Variants in MACROD1 observed in about 807,000 individuals in gnomAD.
The protein encoded by MACROD1 is mono-ADP ribosylhydrolase 1, also known as ADP-ribose glycohydrolase MACROD1.
MACROD1 carries 31 observed loss-of-function variants against 41.4 expected under a neutral mutation model. The ratio of observed to expected loss-of-function variants is 0.75; its 90% CI spans 0.56 to 1.01. The LOEUF is 1.01. MACROD1 is among the 50% of genes least tolerant of loss of function. The pLI is 0.00. For synonymous variants in MACROD1, 252 were observed against 203.4 expected, an observed-to-expected ratio of 1.24 and a Z score of -2.03; for missense variants, 473 against 460.0, an observed-to-expected ratio of 1.03 and a Z score of -0.26.
intron 3 of MACROD1, among the ~76,000 whole-genome samples, chr11:64,111,325 C>T (rs548320629): frequency 3.3e-5 from 5 of 152,352 alleles, no homozygotes; most frequent in South Asian, 2.1e-4. Context: ...TCCAGCCAGA[C>T]GCTGGGGGCC....
At chr11:64,076,463 C>T (rs1049001019) in intron 3 of MACROD1, among the ~76,000 whole-genome samples, 16 of 146,704 alleles carry the variant, frequency 1.1e-4, no homozygotes, top group South Asian at 2.1e-4. Context: ...GATGGATGGA[C>T]GGACGGACGA....
intron 1 of MACROD1, among the ~76,000 whole-genome samples, chr11:64,160,310 C>A (rs1048217046): frequency 6.6e-6 from 1 of 152,174 alleles, no homozygotes; most frequent in Non-Finnish European, 1.5e-5. Flanking sequence ...CTCAGGCACA[C>A]CTGAGTTTTC....
chr11:64,133,825 G>A (rs988916044), intron 3 of MACROD1, among the ~76,000 whole-genome samples: 5 of 152,224 alleles, frequency 3.3e-5, no homozygotes, highest in African/African-American at 1.2e-4. Flanking sequence ...CCTGCTGCAG[G>A]AATTAATGAA....
chr11:64,111,444 C>G (rs1197179196), intron 3 of MACROD1, among the ~76,000 whole-genome samples: 1 of 152,240 alleles, frequency 6.6e-6, no homozygotes, highest in Non-Finnish European at 1.5e-5. Context: ...GTGCTACCTA[C>G]CTGCTCATAA....
At chr11:64,040,344 A>C (rs1353475204) in intron 3 of MACROD1, among the ~76,000 whole-genome samples, 1 of 152,156 alleles carries the variant, frequency 6.6e-6, no homozygotes, top group Non-Finnish European at 1.5e-5. Context: ...CAGGGACAGA[A>C]ACAAGGGCCT....
At chr11:64,002,214 C>T (rs190805804) in intron 4 of MACROD1, among the ~76,000 whole-genome samples, 11 of 152,292 alleles carry the variant, frequency 7.2e-5, no homozygotes, top group Admixed American at 2.6e-4. Context: ...CCTCCCGGGT[C>T]GAGCACCTGG....
intron 3 of MACROD1, among the ~76,000 whole-genome samples, chr11:64,113,249 A>C (rs544438504): frequency 6.6e-6 from 1 of 152,364 alleles, no homozygotes; most frequent in South Asian, 2.1e-4. Context: ...AGTTCTCAGC[A>C]AAGCCTTTAT....
intron 3 of MACROD1, among the ~76,000 whole-genome samples, chr11:64,039,582 A>G (rs1232370906): frequency 1.3e-5 from 2 of 152,096 alleles, no homozygotes; most frequent in Admixed American, 1.3e-4. Context: ...AGGAGACGGG[A>G]AAAGGACAGC....
At chr11:64,148,228 G>A (rs2186571) in intron 3 of MACROD1, among the ~76,000 whole-genome samples, 9,810 of 152,208 alleles carry the variant, frequency 0.064, 389 homozygotes, top group Middle Eastern at 0.14. Flanking sequence ...CAGCTTTTCA[G>A]GATGGAGGAG....
chr11:64,118,059 G>C, intron 3 of MACROD1: 2 of 1,613,590 alleles, frequency 1.2e-6, no homozygotes, highest in Non-Finnish European at 1.7e-6. Flanking sequence ...CAGGAAAAAG[G>C]ATGACTATAT....
At chr11:64,073,778 C>A (rs749832634) in intron 3 of MACROD1, among the ~76,000 whole-genome samples, 4 of 152,218 alleles carry the variant, frequency 2.6e-5, no homozygotes, top group Non-Finnish European at 5.9e-5. Context: ...CTGGAGCTTC[C>A]CACTGAGAAA....
At chr11:64,027,783 G>A (rs1429683988) in intron 3 of MACROD1, among the ~76,000 whole-genome samples, 1 of 152,152 alleles carries the variant, frequency 6.6e-6, no homozygotes, top group East Asian at 1.9e-4. Context: ...TCCTCCCGGG[G>A]CCCCCAGCAA....
intron 5 of MACROD1, 180 bp downstream of exon 5, chr11:64,000,047 C>T: frequency 1.6e-6 from 1 of 633,728 alleles, no homozygotes; most frequent in Non-Finnish European, 2.7e-6. Context: ...CCTCCACGCA[C>T]GGTCTCCCCC....
chr11:64,037,946 T>C (rs1010939222), intron 3 of MACROD1, among the ~76,000 whole-genome samples: 1 of 152,204 alleles, frequency 6.6e-6, no homozygotes, highest in African/African-American at 2.4e-5. Flanking sequence ...ATGTTGTTAG[T>C]GGTCCTGCTC....
At chr11:64,037,179 C>A (rs1275801083) in intron 3 of MACROD1, among the ~76,000 whole-genome samples, 1 of 152,178 alleles carries the variant, frequency 6.6e-6, no homozygotes, top group African/African-American at 2.4e-5. Flanking sequence ...CCTGCCTCAC[C>A]GCGGCCCCTA....
chr11:64,044,517 G>A (rs988334410), intron 3 of MACROD1, among the ~76,000 whole-genome samples: 20 of 152,198 alleles, frequency 1.3e-4, no homozygotes, highest in African/African-American at 4.8e-4. Context: ...CTGATTACAG[G>A]TGTGAGACAC....
intron 3 of MACROD1, among the ~76,000 whole-genome samples, chr11:64,081,114 C>T (rs953688620): frequency 2.6e-5 from 4 of 152,166 alleles, no homozygotes; most frequent in African/African-American, 9.7e-5. Flanking sequence ...CTCCACCTCC[C>T]AGGTTCAGAC....
chr11:64,005,410 A>G (rs1294387800), intron 4 of MACROD1, among the ~76,000 whole-genome samples: 1 of 152,252 alleles, frequency 6.6e-6, no homozygotes. Context: ...GCCACACAGC[A>G]AAGTGTAAGG....
intron 3 of MACROD1, among the ~76,000 whole-genome samples, chr11:64,021,974 GATCTGGA>G (rs1943163174): frequency 1.8e-5 from 1 of 57,122 alleles, no homozygotes; most frequent in Non-Finnish European, 3.4e-5. Context: ...GCGGGCAGTG[GATCTGGA>G]GGGGTGGGTG....
Sources: gnomAD v4.1 joint callset for allele counts (sites outside exome capture counted in the v4.1 genomes callset) on GRCh38, gnomAD v4.1.1 for gene constraint, MANE v1.5 for transcripts, NCBI Gene and HGNC (gene_info 2026-07-23, HGNC 2026-07-21) for gene names.